The following SOX9 variants were observed in gnomAD, a reference collection of about 807,000 sequenced individuals.
The protein encoded by SOX9 is transcription factor SOX-9.
A neutral mutation model predicts 44.8 loss-of-function variants in SOX9; 2 were observed. That is an observed-to-expected ratio of 0.04 (90% CI 0.02 to 0.14). The LOEUF (loss-of-function observed/expected upper bound fraction) is 0.14. Ranked by LOEUF, SOX9 falls within the 10% of genes least tolerant of loss-of-function variation. The probability of loss-of-function intolerance (pLI) is 1.00; values close to 1 mark genes in which losing one functional copy is unlikely to be tolerated. For synonymous variants in SOX9, 381 were observed against 331.8 expected (o/e 1.15, Z -1.61); for missense variants, 583 against 728.6 (o/e 0.80, Z 2.30).
Position 72,123,908 on chromosome 17 carries a change from C to A in SOX9, c.1051C>A (p.Gln351Lys), listed in dbSNP as rs1908194070. 7.7e-7 allele frequency: 1 copy of A among 1,302,180 alleles called. No individual in the cohort carries two copies. The allele number at this position is 1,302,180 out of a possible 1,614,324, so 80.7% of individuals were successfully genotyped here. The change falls in exon 3 of 3, where the codon CAG becomes AAG. Residue 351 changes from glutamine (Q) to lysine (K), a missense_variant. Gln to Lys is a moderately conservative substitution (Grantham distance 53, BLOSUM62 1). Transcript: ENST00000245479. This position sits in a 1 kb window ranked among gnomAD's most constrained non-coding sequence, Gnocchi z 6.5. ...APPPPPQQPP[Q>K]APPAPQAPPQ... is the part of the protein sequence containing the mutation. Reference sequence around the variant, plus strand: ...GCCGCCACCCCCGCAGCAGCCCCCACAGGCCCCGCCGGCCCCGCAGGCGCC... The same window carrying A: ...GCCGCCACCCCCGCAGCAGCCCCCAAAGGCCCCGCCGGCCCCGCAGGCGCC...
chr17:72,121,578 G>C lies in SOX9; in HGVS notation c.187G>C (p.Glu63Gln), dbSNP rs149852681. 8.9e-5 allele frequency: 143 copies of C among 1,607,762 alleles called. No homozygotes were observed. Among genetic ancestry groups the C allele is most frequent in the Non-Finnish European group, 1.2e-4 (136 of 1,177,500 alleles). Residue 63 changes from glutamate (E) to glutamine (Q), a missense_variant, in exon 1 of 3, where the codon GAG (glutamate) becomes CAG (glutamine). Coordinates refer to ENST00000245479, the MANE Select transcript of SOX9 (RefSeq NM_000346.4). This position sits in a 1 kb window ranked among gnomAD's most constrained non-coding sequence, Gnocchi z 8.3. ...FPKGEPDLKK[E>Q]SEEDKFPVCI... Reference sequence around the variant, plus strand: ...CAAGGGCGAGCCCGATCTGAAGAAGGAGAGCGAGGAGGACAAGTTCCCCGT... The same window carrying C: ...CAAGGGCGAGCCCGATCTGAAGAAGCAGAGCGAGGAGGACAAGTTCCCCGT...
rs1483961374 is a variant in SOX9, at chr17:72,121,978, TG to T, written c.431+158del. Among the ~76,000 whole-genome samples the T allele has an allele frequency of 6.6e-6, 1 of 152,144 alleles. No individual in the cohort carries two copies. The highest frequency in any genetic ancestry group is 1.5e-5 in the Non-Finnish European group (1 of 68,020). On this transcript the variant is annotated intron_variant, in intron 1 of 2. Transcript: ENST00000245479. This position sits in a 1 kb window ranked among gnomAD's most constrained non-coding sequence, Gnocchi z 8.3. Reference sequence around the variant, plus strand: ...TGGGAGTGGGAATGGGGTGTAACTGTGGCTCAGAGTTTGACAAAGTTCTTGG... The same window carrying T: ...TGGGAGTGGGAATGGGGTGTAACTGTGCTCAGAGTTTGACAAAGTTCTTGG...
Position 72,121,924 on chromosome 17 carries a change from T to TG in SOX9, c.431+103dup. ...GCCCCGCCTCCCATCGCCCGGGAGTTGCCGTTCCGGGAGCCGGCGGGATGG... is the reference window on the plus strand; with the variant it reads ...GCCCCGCCTCCCATCGCCCGGGAGTTGGCCGTTCCGGGAGCCGGCGGGATGG... On this transcript the variant is annotated intron_variant, in intron 1 of 2. Coordinates refer to ENST00000245479, the MANE Select transcript of SOX9 (RefSeq NM_000346.4). This position sits in a 1 kb window ranked among gnomAD's most constrained non-coding sequence, Gnocchi z 8.3. 2 of 1,388,680 alleles carry TG rather than the reference T, an allele frequency of 1.4e-6. No homozygotes were observed. Among genetic ancestry groups the TG allele is most frequent in the Non-Finnish European group, 9.5e-7 (1 of 1,051,288 alleles). The allele number at this position is 1,388,680 out of a possible 1,614,324, so 86.0% of individuals were successfully genotyped here.
chr17:72,121,336 A>C lies in SOX9; in HGVS notation c.-56A>C, dbSNP rs531034085. On this transcript the variant is annotated 5_prime_UTR_variant, in exon 1 of 3. Coordinates refer to ENST00000245479, the MANE Select transcript of SOX9 (RefSeq NM_000346.4). The surrounding 1 kb of genome is among the most constrained non-coding windows in gnomAD (Gnocchi z 8.3). ...GAGGAGCCCGCGCCTCGAGTCCCCG[A>C]GCCGCCGCGGCTTCTCGCCTTTCCC... The C allele has an allele frequency of 6.1e-4, 947 of 1,541,106 alleles. 1 individual carries two copies. The highest frequency in any genetic ancestry group is 7.8e-4 in the Non-Finnish European group (869 of 1,119,070).
In SOX9 at chr17:72,123,808, C is replaced by T. The variant is rs1443403652; in HGVS notation, c.951C>T (p.Gly317=). The part of the protein sequence containing the change: ...PATHGQVTYT[G]SYGISSTAAT... ...CGCACGGCCAGGTCACCTACACGGG[C>T]AGCTACGGCATCAGCAGCACCGCGG... is the stretch of plus-strand genomic sequence containing the variant. The change falls in exon 3 of 3, where the codon GGC becomes GGT. Residue 317 remains glycine, a synonymous_variant. Transcript: ENST00000245479. The surrounding 1 kb of genome is among the most constrained non-coding windows in gnomAD (Gnocchi z 6.5). 6.2e-7 allele frequency: 1 copy of T among 1,611,998 alleles called. No individual in the cohort carries two copies. The highest frequency in any genetic ancestry group is 1.1e-5 in the South Asian group (1 of 91,044).
Position 72,123,097 on chromosome 17 carries a change from C to T in SOX9, c.685+125C>T. The T allele has an allele frequency of 2.5e-6, 3 of 1,191,462 alleles. No individual in the cohort carries two copies. The highest frequency in any genetic ancestry group is 3.6e-6 in the Non-Finnish European group (3 of 837,936). The allele number at this position is 1,191,462 out of a possible 1,614,324, so 73.8% of individuals were successfully genotyped here. On this transcript the variant is annotated intron_variant, in intron 2 of 2. Transcript: ENST00000245479. This position sits in a 1 kb window ranked among gnomAD's most constrained non-coding sequence, Gnocchi z 6.5. ...CCCGGGAGGGACACACTGCCCTTTG[C>T]GCCCGTCCCGCTCCCCTCTCTACCC... is the stretch of plus-strand genomic sequence containing the variant.
Position 72,123,464 on chromosome 17 carries a change from T to A in SOX9, c.686-79T>A, listed in dbSNP as rs1396447997. ...ATTACACTTTAGCAGCGAGGGAGGG[T>A]CCCCGGAGGGTGCCTAAGACTAGGG... is the stretch of plus-strand genomic sequence containing the variant. On this transcript the variant is annotated intron_variant, in intron 2 of 2. Transcript: ENST00000245479. This position sits in a 1 kb window ranked among gnomAD's most constrained non-coding sequence, Gnocchi z 6.5. The A allele has an allele frequency of 1.3e-6, 2 of 1,589,914 alleles. No individual in the cohort carries two copies. The highest frequency in any genetic ancestry group is 2.7e-5 in the African/African-American group (2 of 74,208).
chr17:72,124,009 G>A lies in SOX9; in HGVS notation c.1152G>A (p.Thr384=), dbSNP rs2143254757. ...AGCCACAGGCGCACACGCTGACCACGCTGAGCAGCGAGCCGGGCCAGTCCC... is the reference window on the plus strand; with the variant it reads ...AGCCACAGGCGCACACGCTGACCACACTGAGCAGCGAGCCGGGCCAGTCCC... ...PQQPQAHTLT[T]LSSEPGQSQR... is the part of the protein sequence containing the mutation. The change falls in exon 3 of 3, where the codon ACG becomes ACA. Residue 384 remains threonine, a synonymous_variant. Coordinates refer to ENST00000245479, the MANE Select transcript of SOX9 (RefSeq NM_000346.4). The surrounding 1 kb of genome is among the most constrained non-coding windows in gnomAD (Gnocchi z 4.6). 1.2e-6 allele frequency: 2 copies of A among 1,604,942 alleles called. No individual in the cohort carries two copies. The highest frequency in any genetic ancestry group is 1.7e-6 in the Non-Finnish European group (2 of 1,176,072).
At position 72,124,167 on chromosome 17, in the gene SOX9, G is replaced by T. The variant is rs1410903036; in HGVS notation, c.1310G>T (p.Arg437Leu). ...AGCCCCTCCTACCCGCCCATCACCC[G>T]CTCACAGTACGACTACACCGACCAC... ...HYSPSYPPIT[R>L]SQYDYTDHQN... Residue 437 changes from arginine to leucine, a missense_variant, in exon 3 of 3, where the codon CGC becomes CTC. By Grantham distance (102) the Arg-to-Leu change is moderately radical (BLOSUM62 -2). This residue lies in a region of SOX9 where 349 missense variants were observed against 387.0 expected (regional missense o/e 0.90). Coordinates refer to ENST00000245479, the MANE Select transcript of SOX9 (RefSeq NM_000346.4). The surrounding 1 kb of genome is among the most constrained non-coding windows in gnomAD (Gnocchi z 4.6). 1 of 1,613,450 alleles carries T rather than the reference G, an allele frequency of 6.2e-7. No individual in the cohort carries two copies. The highest frequency in any genetic ancestry group is 1.7e-5 in the Admixed American group (1 of 59,992).
Position 72,124,219 on chromosome 17 carries a change from C to T in SOX9, c.1362C>T (p.His454=), listed in dbSNP as rs776207839. The T allele has an allele frequency of 1.2e-6, 2 of 1,613,914 alleles. No individual in the cohort carries two copies. The highest frequency in any genetic ancestry group is 1.7e-5 in the Admixed American group (1 of 60,020). The change falls in exon 3 of 3, where the codon CAC becomes CAT. Residue 454 remains histidine (H), a synonymous_variant. Coordinates refer to ENST00000245479, the MANE Select transcript of SOX9 (RefSeq NM_000346.4). The surrounding 1 kb of genome is among the most constrained non-coding windows in gnomAD (Gnocchi z 4.6). The part of the protein sequence containing the change: ...DHQNSSSYYS[H]AAGQGTGLYS... ...AGAACTCCAGCTCCTACTACAGCCACGCGGCAGGCCAGGGCACCGGCCTCT... is the reference window on the plus strand; with the variant it reads ...AGAACTCCAGCTCCTACTACAGCCATGCGGCAGGCCAGGGCACCGGCCTCT...
rs1452893426 is a variant in SOX9, at chr17:72,121,415, G to A, written c.24G>A (p.Met8Ile). Reference sequence around the variant, plus strand: ...GTATGAATCTCCTGGACCCCTTCATGAAGATGACCGACGAGCAGGAGAAGG... The same window carrying A: ...GTATGAATCTCCTGGACCCCTTCATAAAGATGACCGACGAGCAGGAGAAGG... MNLLDPF[M>I]KMTDEQEKGL... Residue 8 changes from methionine to isoleucine, a missense_variant, in exon 1 of 3, where the codon ATG (methionine) becomes ATA (isoleucine). Around this residue, in one of 7 missense-constraint regions of SOX9, gnomAD observed 101 missense variants for 98.6 expected, o/e 1.02. Coordinates refer to ENST00000245479, the MANE Select transcript of SOX9 (RefSeq NM_000346.4). The surrounding 1 kb of genome is among the most constrained non-coding windows in gnomAD (Gnocchi z 8.3). 3 of 1,612,648 alleles carry A rather than the reference G, an allele frequency of 1.9e-6. No homozygotes were observed. The highest frequency in any genetic ancestry group is 1.7e-5 in the Admixed American group (1 of 59,996).
rs1009913731 is a variant in SOX9, at chr17:72,123,261, C to T, written c.686-282C>T. Among the ~76,000 whole-genome samples the T allele has an allele frequency of 1.3e-5, 2 of 152,222 alleles. No homozygotes were observed. Among genetic ancestry groups the T allele is most frequent in the African/African-American group, 2.4e-5 (1 of 41,458 alleles). ...TACAAGACCTCTCCCTTCTTCTCTG[C>T]TCCCCCACCCCAAAAGCACACACAG... is the stretch of plus-strand genomic sequence containing the variant. On this transcript the variant is annotated intron_variant, in intron 2 of 2. Coordinates refer to ENST00000245479, the MANE Select transcript of SOX9 (RefSeq NM_000346.4). This position sits in a 1 kb window ranked among gnomAD's most constrained non-coding sequence, Gnocchi z 6.5.
rs1309631225 is a variant in SOX9 at position 72,124,970 on chromosome 17, G to C, written c.*583G>C. 8.8e-6 allele frequency: 2 copies of C among 226,556 alleles called. No individual in the cohort carries two copies. Among genetic ancestry groups the C allele is most frequent in the Non-Finnish European group, 1.8e-5 (2 of 113,442 alleles). 14.0% of individuals were successfully genotyped at this position (226,556 alleles called of 1,614,324 possible). A position where few individuals can be genotyped will look rare whatever the true frequency, so the allele number is the denominator to read the frequency against. On this transcript the variant is annotated 3_prime_UTR_variant, in exon 3 of 3. Transcript: ENST00000245479. The surrounding 1 kb of genome is among the most constrained non-coding windows in gnomAD (Gnocchi z 4.6). Reference sequence around the variant, plus strand: ...TGTGCCCTAGCTTTTCTTGCAACCAGAGTATTTTTGTACAGATTTGCTTTC... The same window carrying C: ...TGTGCCCTAGCTTTTCTTGCAACCACAGTATTTTTGTACAGATTTGCTTTC...
chr17:72,121,954 G>A lies in SOX9; in HGVS notation c.431+132G>A. 7 of 1,152,168 alleles carry A rather than the reference G, an allele frequency of 6.1e-6. No individual in the cohort carries two copies. The highest frequency in any genetic ancestry group is 8.3e-6 in the Non-Finnish European group (7 of 839,054). 71.4% of individuals were successfully genotyped at this position (1,152,168 alleles called of 1,614,324 possible). A position where few individuals can be genotyped will look rare whatever the true frequency, so the allele number is the denominator to read the frequency against. ...TTCCGGGAGCCGGCGGGATGGGGTT[G>A]GGAGTGGGAATGGGGTGTAACTGTG... On this transcript the variant is annotated intron_variant, in intron 1 of 2. Transcript: ENST00000245479. This position sits in a 1 kb window ranked among gnomAD's most constrained non-coding sequence, Gnocchi z 8.3.
rs886053350 is a variant in SOX9 at position 72,121,784 on chromosome 17, C to T, written c.393C>T (p.His131=). 3 of 1,594,952 alleles carry T rather than the reference C, an allele frequency of 1.9e-6. No homozygotes were observed. The highest frequency in any genetic ancestry group is 2.6e-6 in the Non-Finnish European group (3 of 1,171,534). ...RKLADQYPHL[H]NAELSKTLGK... The stretch of plus-strand genomic sequence containing the variant: ...TCGCGGACCAGTACCCGCACTTGCA[C>T]AACGCCGAGCTCAGCAAGACGCTGG... The change falls in exon 1 of 3, where the codon CAC becomes CAT. Residue 131 remains histidine, a synonymous_variant. Coordinates refer to ENST00000245479, the MANE Select transcript of SOX9 (RefSeq NM_000346.4). The surrounding 1 kb of genome is among the most constrained non-coding windows in gnomAD (Gnocchi z 8.3).
At position 72,126,356 on chromosome 17, in the gene SOX9, T is replaced by C. The variant is rs1313329862; in HGVS notation, c.*1969T>C. ...CTCCGTGAAACTTACCTTTCCCTTTTTCTTTCTCTTTTTTTTTTTTGTATA... is the reference window on the plus strand; with the variant it reads ...CTCCGTGAAACTTACCTTTCCCTTTCTCTTTCTCTTTTTTTTTTTTGTATA... On this transcript the variant is annotated 3_prime_UTR_variant, in exon 3 of 3. Coordinates refer to ENST00000245479, the MANE Select transcript of SOX9 (RefSeq NM_000346.4). The C allele has an allele frequency of 4.9e-6, 1 of 203,088 alleles. No homozygotes were observed. The highest frequency in any genetic ancestry group is 9.3e-6 in the Non-Finnish European group (1 of 108,094). The allele number at this position is 203,088 out of a possible 1,614,324, so 12.6% of individuals were successfully genotyped here.
Position 72,123,947 on chromosome 17 carries a change from G to A in SOX9, c.1090G>A (p.Ala364Thr), listed in dbSNP as rs200658115. 2.9e-6 allele frequency: 4 copies of A among 1,370,930 alleles called. No individual in the cohort carries two copies. The highest frequency in any genetic ancestry group is 2.1e-5 in the South Asian group (1 of 47,844). The allele number at this position is 1,370,930 out of a possible 1,614,324, so 84.9% of individuals were successfully genotyped here. Residue 364 changes from alanine to threonine, a missense_variant, in exon 3 of 3, where the codon GCG becomes ACG. Physicochemically the swap from Ala to Thr is moderately conservative, Grantham distance 58 (BLOSUM62 0). Around this residue, in one of 7 missense-constraint regions of SOX9, gnomAD observed 349 missense variants for 387.0 expected, o/e 0.90. Transcript: ENST00000245479. This position sits in a 1 kb window ranked among gnomAD's most constrained non-coding sequence, Gnocchi z 6.5. ...PAPQAPPQPQ[A>T]APPQQPAAPP... ...CCCGCAGGCGCCCCCGCAGCCGCAG[G>A]CGGCGCCCCCACAGCAGCCGGCGGC...
Position 72,123,622 on chromosome 17 carries a change from G to GGGGCGCCCCTTGCCAGAGGGGGGC in SOX9, c.766_789dup (p.Gly256_Gly263dup), listed in dbSNP as rs1490116991. The stretch of plus-strand genomic sequence containing the variant: ...CGGGCAAGGCTGACCTGAAGCGAGA[G>GGGGCGCCCCTTGCCAGAGGGGGGC]GGGCGCCCCTTGCCAGAGGGGGGCA... On this transcript the variant is annotated inframe_insertion, in exon 3 of 3. Transcript: ENST00000245479. This position sits in a 1 kb window ranked among gnomAD's most constrained non-coding sequence, Gnocchi z 6.5. The GGGGCGCCCCTTGCCAGAGGGGGGC allele has an allele frequency of 6.2e-7, 1 of 1,613,796 alleles. No individual in the cohort carries two copies. Among genetic ancestry groups the GGGGCGCCCCTTGCCAGAGGGGGGC allele is most frequent in the African/African-American group, 1.3e-5 (1 of 74,870 alleles).
chr17:72,123,909 A>C lies in SOX9; in HGVS notation c.1052A>C (p.Gln351Pro), dbSNP rs949561619. 2 of 1,301,068 alleles carry C rather than the reference A, an allele frequency of 1.5e-6. No homozygotes were observed. Among genetic ancestry groups the C allele is most frequent in the Admixed American group, 4.2e-5 (1 of 24,062 alleles). The allele number at this position is 1,301,068 out of a possible 1,614,324, so 80.6% of individuals were successfully genotyped here. A position where few individuals can be genotyped will look rare whatever the true frequency, so the allele number is the denominator to read the frequency against. ...APPPPPQQPP[Q>P]APPAPQAPPQ... ...CCGCCACCCCCGCAGCAGCCCCCAC[A>C]GGCCCCGCCGGCCCCGCAGGCGCCC... is the stretch of plus-strand genomic sequence containing the variant. The change falls in exon 3 of 3, where the codon CAG becomes CCG. Residue 351 changes from glutamine to proline, a missense_variant. Gln to Pro is a moderately conservative substitution (Grantham distance 76). This residue lies in a region of SOX9 where 349 missense variants were observed against 387.0 expected (regional missense o/e 0.90). Transcript: ENST00000245479. This position sits in a 1 kb window ranked among gnomAD's most constrained non-coding sequence, Gnocchi z 6.5.
Sources: allele counts gnomAD v4.1 joint callset (sites outside exome capture counted in the v4.1 genomes callset), GRCh38; gene constraint gnomAD v4.1.1; regional missense constraint gnomAD v4.1.1; non-coding constraint Gnocchi (gnomAD v3.1); transcripts MANE v1.5; gene names NCBI Gene and HGNC (gene_info 2026-07-23, HGNC 2026-07-21).